RASGRF2: variants seen among roughly 807,000 people sequenced by gnomAD.
The protein encoded by RASGRF2 is Ras protein specific guanine nucleotide releasing factor 2.
RASGRF2 carries 76 observed loss-of-function variants against 151.0 expected under a neutral mutation model. The ratio of observed to expected loss-of-function variants is 0.50; its 90% confidence interval spans 0.42 to 0.61. The LOEUF is 0.61. RASGRF2 is among the 20% of genes least tolerant of loss of function. The pLI, the probability that RASGRF2 is intolerant of heterozygous loss-of-function variation, is 0.00. For synonymous variants in RASGRF2, 504 were observed against 566.5 expected (o/e 0.89, Z 1.57); for missense variants, 1,148 against 1,564.6 (o/e 0.73, Z 4.49).
intron 23 of RASGRF2, among the ~76,000 whole-genome samples, chr5:81,214,330 G>A (rs189395774): frequency 2.0e-4 from 30 of 152,342 alleles, no homozygotes; most frequent in African/African-American, 6.0e-4. Flanking sequence ...GTCCCCCAGA[G>A]AGGCTGTCTC....
chr5:81,103,849 A>G (rs895833888), intron 12 of RASGRF2, among the ~76,000 whole-genome samples: 4 of 152,164 alleles, frequency 2.6e-5, no homozygotes, highest in African/African-American at 9.6e-5. Context: ...GACTAAATAA[A>G]CTGTAATTTA....
At chr5:81,028,653 A>G (rs1435964982) in intron 1 of RASGRF2, among the ~76,000 whole-genome samples, 1 of 152,246 alleles carries the variant, frequency 6.6e-6, no homozygotes, top group African/African-American at 2.4e-5. Context: ...AAAATAAAAA[A>G]TTTGCTATTA....
At chr5:81,083,735 G>A (rs542659228) in intron 7 of RASGRF2, among the ~76,000 whole-genome samples, 31 of 152,260 alleles carry the variant, frequency 2.0e-4, no homozygotes, top group South Asian at 1.2e-3. Context: ...TGTATGTGTC[G>A]AAAGTCCATT....
At chr5:81,060,539 G>T (rs1751397989) in intron 2 of RASGRF2, among the ~76,000 whole-genome samples, 1 of 151,976 alleles carries the variant, frequency 6.6e-6, no homozygotes, top group Non-Finnish European at 1.5e-5. Context: ...TATTAATGTT[G>T]TCTTTCTCTC....
Position 81,172,927 on chromosome 5 carries a change from T to G in RASGRF2, c.2687-7248T>G, listed in dbSNP as rs868338084. On this transcript the variant is annotated intron_variant, in intron 17 of 26. Transcript: ENST00000265080. ...TTTCTGCTTGGCAGTGAGACAGAAA[T>G]GACATCATATGCTTCTGAATCAAAT... Among the ~76,000 whole-genome samples the G allele has an allele frequency of 1.5e-4, 23 of 152,150 alleles. 1 individual carries two copies. The highest frequency in any genetic ancestry group is 3.4e-3 in the Middle Eastern group (1 of 294).
At chr5:81,038,443 G>C (rs988329900) in intron 1 of RASGRF2, among the ~76,000 whole-genome samples, 2 of 151,260 alleles carry the variant, frequency 1.3e-5, no homozygotes, top group African/African-American at 4.9e-5. Context: ...CTGATTATGA[G>C]TACAATTAAA....
intron 1 of RASGRF2, among the ~76,000 whole-genome samples, chr5:81,025,740 A>G (rs1345485477): frequency 6.6e-6 from 1 of 152,110 alleles, no homozygotes; most frequent in African/African-American, 2.4e-5. Context: ...TGCCCGTTAT[A>G]TATAGTATGA....
intron 17 of RASGRF2, among the ~76,000 whole-genome samples, chr5:81,158,654 A>T (rs556154794): frequency 6.6e-6 from 1 of 152,360 alleles, no homozygotes; most frequent in East Asian, 1.9e-4. Context: ...GAAGATTTGA[A>T]TAGACAGCTC....
chr5:80,972,870 C>T (rs1472659225), intron 1 of RASGRF2, among the ~76,000 whole-genome samples: 1 of 152,148 alleles, frequency 6.6e-6, no homozygotes, highest in Non-Finnish European at 1.5e-5. Context: ...TTAAGTTAAA[C>T]TATATGACCT....
intron 18 of RASGRF2, among the ~76,000 whole-genome samples, chr5:81,182,289 C>T (rs1356024311): frequency 6.6e-6 from 1 of 152,146 alleles, no homozygotes; most frequent in African/African-American, 2.4e-5. Context: ...ACTGATGTGC[C>T]CAAGGAAGTT....
chr5:81,205,692 T>C (rs1238841130), intron 19 of RASGRF2, among the ~76,000 whole-genome samples: 2 of 152,228 alleles, frequency 1.3e-5, no homozygotes, highest in African/African-American at 2.4e-5. Flanking sequence ...TTACTAAAAG[T>C]AGCTTCCTCC....
At chr5:81,219,102 A>G (rs1230598663) in intron 25 of RASGRF2, among the ~76,000 whole-genome samples, 2 of 146,600 alleles carry the variant, frequency 1.4e-5, no homozygotes, top group Non-Finnish European at 3.0e-5. Flanking sequence ...TTAAAGACAC[A>G]GTTCTGTTGC....
At chr5:81,067,759 C>A (rs11749100) in intron 2 of RASGRF2, among the ~76,000 whole-genome samples, 23,686 of 152,102 alleles carry the variant, frequency 0.16, 2,221 homozygotes, top group East Asian at 0.35. Flanking sequence ...ATTACAATTT[C>A]TTTTGTACTT....
At chr5:81,090,241 T>C (rs1168249930) in intron 9 of RASGRF2, among the ~76,000 whole-genome samples, 13 of 152,322 alleles carry the variant, frequency 8.5e-5, no homozygotes, top group Non-Finnish European at 8.8e-5. Flanking sequence ...TTTTCATTAC[T>C]CAGTAGAATT....
intron 1 of RASGRF2, among the ~76,000 whole-genome samples, chr5:81,028,588 G>C (rs1349851422): frequency 3.3e-5 from 5 of 152,126 alleles, no homozygotes; most frequent in Non-Finnish European, 5.9e-5. Context: ...AACAAAAACA[G>C]GTAGCTGTGA....
intron 13 of RASGRF2, 139 bp from the exon 14 acceptor site, chr5:81,112,471 A>C: frequency 8.8e-7 from 1 of 1,135,794 alleles, no homozygotes; most frequent in Non-Finnish European, 1.3e-6. Flanking sequence ...CTGAGGGACA[A>C]CTGTGCAATT....
chr5:81,109,587 A>G (rs1029244720), intron 13 of RASGRF2, among the ~76,000 whole-genome samples: 28 of 152,012 alleles, frequency 1.8e-4, no homozygotes, highest in Non-Finnish European at 3.5e-4. Flanking sequence ...AATCACTTGA[A>G]CCCAGGAGGC....
At chr5:81,107,838 A>G (rs2068624) in intron 12 of RASGRF2, among the ~76,000 whole-genome samples, 7,997 of 152,330 alleles carry the variant, frequency 0.052, 651 homozygotes, top group African/African-American at 0.17. Context: ...AGCTTAAGGA[A>G]ATATATTGAA....
chr5:81,170,985 A>G (rs1754644881), intron 17 of RASGRF2, among the ~76,000 whole-genome samples: 1 of 152,104 alleles, frequency 6.6e-6, no homozygotes, highest in South Asian at 2.1e-4. Flanking sequence ...TCATGTTGTA[A>G]TGGTAAAGCC....
Sources: allele counts gnomAD v4.1 joint callset (sites outside exome capture counted in the v4.1 genomes callset), GRCh38; gene constraint gnomAD v4.1.1; transcripts MANE v1.5; gene names NCBI Gene and HGNC (gene_info 2026-07-23, HGNC 2026-07-21).